Variants in MEI1 observed in about 807,000 individuals in gnomAD.
MEI1 encodes meiosis inhibitor protein 1.
A neutral mutation model predicts 146.2 loss-of-function variants in MEI1; 103 were observed. That is an observed-to-expected ratio of 0.70 (90% CI 0.60 to 0.83). MEI1 has a LOEUF of 0.83. Ranked by LOEUF, MEI1 falls within the 40% of genes least tolerant of loss-of-function variation. MEI1 has a pLI of 0.00. For synonymous variants in MEI1, 652 were observed against 628.2 expected, an observed-to-expected ratio of 1.04 and a Z score of -0.57; for missense variants, 1,529 against 1,533.0, an observed-to-expected ratio of 1.00 and a Z score of 0.04.
rs574679550 is a variant in MEI1, at chr22:41,765,090, C to T, written c.2268+1769C>T. ...CGCCATCTTGGCTCACTGTAACCTCCGCTTCCCAGGTTCAAGCAATTCTCC... is the reference window on the plus strand; with the variant it reads ...CGCCATCTTGGCTCACTGTAACCTCTGCTTCCCAGGTTCAAGCAATTCTCC... On this transcript the variant is annotated intron_variant, in intron 19 of 30. Coordinates refer to ENST00000401548, the MANE Select transcript of MEI1 (RefSeq NM_152513.4). Among the ~76,000 whole-genome samples, 83 of 152,268 alleles carry T rather than the reference C, an allele frequency of 5.5e-4. 1 individual carries two copies. The highest frequency in any genetic ancestry group is 3.9e-3 in the South Asian group (19 of 4,818).
chr22:41,770,560 A>G, intron 19 of MEI1, 126 bp from the exon 20 acceptor site: 1 of 861,936 alleles, frequency 1.2e-6, no homozygotes, highest in East Asian at 2.6e-5. Flanking sequence ...CCTTGGGATG[A>G]GCTAGCCAAG....
intron 5 of MEI1, among the ~76,000 whole-genome samples, chr22:41,716,355 CTTTTTTTTTTTT>C (rs6147630): frequency 8.4e-6 from 1 of 118,580 alleles, no homozygotes; most frequent in Admixed American, 1.0e-4. Flanking sequence ...TCCATTCATT[CTTTTTTTTTTTT>C]TTTTTTTTTT....
Position 41,730,655 on chromosome 22 carries a change from T to C in MEI1, c.1096+18T>C. 1.3e-6 allele frequency: 2 copies of C among 1,561,084 alleles called. No homozygotes were observed. Among genetic ancestry groups the C allele is most frequent in the Non-Finnish European group, 1.8e-6 (2 of 1,131,740 alleles). On this transcript the variant is annotated intron_variant, in intron 9 of 30. Coordinates refer to ENST00000401548, the MANE Select transcript of MEI1 (RefSeq NM_152513.4). Reference sequence around the variant, plus strand: ...GGTGTATGGTTGGTAGTAAGGGTCCTGTACTAGCTTTGGGTTGGGTGGACG... The same window carrying C: ...GGTGTATGGTTGGTAGTAAGGGTCCCGTACTAGCTTTGGGTTGGGTGGACG...
At chr22:41,740,416 GA>G (rs1233695657) in intron 11 of MEI1, among the ~76,000 whole-genome samples, 1 of 152,034 alleles carries the variant, frequency 6.6e-6, no homozygotes, top group Non-Finnish European at 1.5e-5. Flanking sequence ...AGCACAACTA[GA>G]AGGAAGAATG....
At chr22:41,721,830 C>A (rs778181075) in intron 6 of MEI1, among the ~76,000 whole-genome samples, 7 of 144,892 alleles carry the variant, frequency 4.8e-5, no homozygotes, top group Non-Finnish European at 8.9e-5. Flanking sequence ...AAGTGATTCT[C>A]CTGCCACAGC....
intron 30 of MEI1, among the ~76,000 whole-genome samples, chr22:41,796,177 C>CAT (rs1045814895): frequency 9.3e-4 from 142 of 151,878 alleles, no homozygotes; most frequent in African/African-American, 3.2e-3. Flanking sequence ...ATGCATTTTA[C>CAT]ATATATATAT....
chr22:41,715,987 G>A, intron 4 of MEI1, 54 bp from the exon 5 acceptor site: 1 of 1,302,582 alleles, frequency 7.7e-7, no homozygotes, highest in Non-Finnish European at 1.1e-6. Context: ...CAGTTTTGGT[G>A]GAAGATCTGT....
intron 3 of MEI1, among the ~76,000 whole-genome samples, chr22:41,708,007 T>C (rs1469756286): frequency 6.6e-6 from 1 of 152,222 alleles, no homozygotes; most frequent in East Asian, 1.9e-4. Context: ...AAACAACTTT[T>C]TGTTTACCTA....
At chr22:41,772,923 T>C (rs1371087216) in intron 20 of MEI1, among the ~76,000 whole-genome samples, 3 of 152,170 alleles carry the variant, frequency 2.0e-5, no homozygotes, top group African/African-American at 7.2e-5. Context: ...ATGGAGCTCA[T>C]TATCTCCTCT....
chr22:41,763,142 C>T (rs932749695), intron 18 of MEI1, 32 bp from the exon 19 acceptor site: 2 of 1,609,658 alleles, frequency 1.2e-6, no homozygotes, highest in African/African-American at 2.7e-5. Flanking sequence ...GCCAACTCTG[C>T]CTTTCTCACT....
In MEI1 at chr22:41,699,701, C is replaced by A; in HGVS notation, c.163C>A (p.Pro55Thr). Reference sequence around the variant, plus strand: ...CTGCGCGCTGGAGCTGCTGCCGGACCCCGGCGTGTCGGTGCGGGCGGAACC... The same window carrying A: ...CTGCGCGCTGGAGCTGCTGCCGGACACCGGCGTGTCGGTGCGGGCGGAACC... ...LACALELLPD[P>T]GVSLVRKKHM... Residue 55 changes from proline to threonine, a missense_variant, in exon 1 of 31, where the codon CCC (proline) becomes ACC (threonine). Pro to Thr is a conservative substitution (Grantham distance 38). Around this residue, in one of 3 missense-constraint regions of MEI1, gnomAD observed 1,212 missense variants for 1,178.9 expected, o/e 1.03. Transcript: ENST00000401548. 1.3e-6 allele frequency: 2 copies of A among 1,578,248 alleles called. No homozygotes were observed. Among genetic ancestry groups the A allele is most frequent in the Non-Finnish European group, 1.7e-6 (2 of 1,163,190 alleles).
chr22:41,723,802 T>G, intron 6 of MEI1, 141 bp from the exon 7 acceptor site: 1 of 1,102,330 alleles, frequency 9.1e-7, no homozygotes, highest in Non-Finnish European at 1.3e-6. Flanking sequence ...AAAAAGCAAA[T>G]TGGTGCTTAA....
In MEI1 at chr22:41,730,512, C is replaced by G; in HGVS notation, c.980-9C>G. The G allele has an allele frequency of 6.3e-7, 1 of 1,594,334 alleles. No homozygotes were observed. ...TCATTTATTGTTTTCTCATCCTCTC[C>G]CTTGTTAGAGTTCCTCTTTGAGCAT... On this transcript the variant is annotated splice_polypyrimidine_tract_variant and intron_variant, in intron 8 of 30. Transcript: ENST00000401548.
chr22:41,722,086 C>G (rs2070898429), intron 6 of MEI1: 1 of 150,030 alleles, frequency 6.7e-6, no homozygotes, highest in South Asian at 2.1e-4. Context: ...CCGAGGGCCT[C>G]TTTTATCCTG....
At chr22:41,764,582 C>T (rs1006309142) in intron 19 of MEI1, among the ~76,000 whole-genome samples, 3 of 152,160 alleles carry the variant, frequency 2.0e-5, no homozygotes, top group Non-Finnish European at 2.9e-5. Flanking sequence ...ACTGAAGGGT[C>T]CACACTAAGG....
intron 7 of MEI1, among the ~76,000 whole-genome samples, chr22:41,725,742 G>A (rs2071276522): frequency 6.6e-6 from 1 of 152,154 alleles, no homozygotes; most frequent in Admixed American, 6.5e-5. Context: ...AGCCTATAGG[G>A]CTCCCCTGTC....
chr22:41,702,244 G>A (rs2068764941), intron 1 of MEI1, among the ~76,000 whole-genome samples: 1 of 151,918 alleles, frequency 6.6e-6, no homozygotes, highest in African/African-American at 2.4e-5. Flanking sequence ...AGGTTCAAGC[G>A]ATTCTTCTGC....
intron 15 of MEI1, among the ~76,000 whole-genome samples, chr22:41,750,551 G>A (rs2073679491): frequency 6.6e-6 from 1 of 152,094 alleles, no homozygotes; most frequent in South Asian, 2.1e-4. Context: ...TAACAAGTTT[G>A]GTGTGTGGGG....
At chr22:41,703,534 T>A in intron 2 of MEI1, 80 bp downstream of exon 2, 11 of 1,311,574 alleles carry the variant, frequency 8.4e-6, no homozygotes, top group Non-Finnish European at 1.1e-5. Context: ...GGAAAAATGA[T>A]CTTAGATGAT....
Sources: gnomAD v4.1 joint callset for allele counts (sites outside exome capture counted in the v4.1 genomes callset) on GRCh38, gnomAD v4.1.1 for gene constraint, gnomAD v4.1.1 regional missense constraint, MANE v1.5 for transcripts, NCBI Gene and HGNC (gene_info 2026-07-23, HGNC 2026-07-21) for gene names.